The following NSD1 variants were observed in gnomAD, a reference collection of about 807,000 sequenced individuals.
NSD1 encodes the protein nuclear receptor binding SET domain protein 1, also known as histone-lysine N-methyltransferase, H3 lysine-36 specific.
In NSD1, 26 loss-of-function variants were observed where a neutral mutation model predicts 242.7. The ratio of observed to expected loss-of-function variants is 0.11; its 90% CI spans 0.08 to 0.15. The LOEUF (loss-of-function observed/expected upper bound fraction) is 0.15. NSD1 is among the 10% of genes least tolerant of loss of function. The pLI is 1.00. For synonymous variants in NSD1, 1,106 were observed against 1,178.1 expected, an observed-to-expected ratio of 0.94 and a Z score of 1.25; for missense variants, 2,495 against 3,272.8, an observed-to-expected ratio of 0.76 and a Z score of 5.80.
rs1760256294 is a variant in NSD1, at chr5:177,296,334, A to G, written c.*875A>G. ...CAGCAGTGGAAGAAGGCATTTGGCA[A>G]GCTTCTCTTTCTTTGCTTTTGTTTC... On this transcript the variant is annotated 3_prime_UTR_variant, in exon 23 of 23. Transcript: ENST00000439151. The G allele has an allele frequency of 4.3e-6, 1 of 233,456 alleles. No homozygotes were observed. Among genetic ancestry groups the G allele is most frequent in the East Asian group, 6.0e-5 (1 of 16,600 alleles). 14.5% of individuals were successfully genotyped at this position (233,456 alleles called of 1,614,324 possible).
At chr5:177,207,592 A>ATTTTTTTTTTTTTTTTTTT (rs1562201568) in intron 4 of NSD1, among the ~76,000 whole-genome samples, 1 of 100,118 alleles carries the variant, frequency 1.0e-5, no homozygotes, top group African/African-American at 5.7e-5. Context: ...TATTTATTTA[A>ATTTTTTTTTTTTTTTTTTT]ATTTTTTTTT....
chr5:177,268,123 G>A (rs539110797), intron 15 of NSD1, among the ~76,000 whole-genome samples: 73 of 151,562 alleles, frequency 4.8e-4, no homozygotes, highest in African/African-American at 1.7e-3. Flanking sequence ...TGGGTTGTTT[G>A]TTTTGAGACA....
At chr5:177,160,798 G>A (rs1005498106) in intron 2 of NSD1, among the ~76,000 whole-genome samples, 26 of 151,996 alleles carry the variant, frequency 1.7e-4, no homozygotes, top group Admixed American at 6.6e-5. Context: ...CTGAGGCAGG[G>A]CAACATGTGC....
At chr5:177,248,457 T>G (rs1292236528) in intron 11 of NSD1, 133 bp downstream of exon 11, 21 of 1,220,824 alleles carry the variant, frequency 1.7e-5, no homozygotes, top group Non-Finnish European at 2.4e-5. Context: ...TCACTTTCTT[T>G]AAGGATTTGA....
In NSD1 at chr5:177,295,175, C is replaced by G. The variant is rs765511629; in HGVS notation, c.7807C>G (p.Leu2603Val). The G allele has an allele frequency of 1.2e-6, 2 of 1,614,222 alleles. No homozygotes were observed. The highest frequency in any genetic ancestry group is 1.7e-6 in the Non-Finnish European group (2 of 1,180,040). Residue 2603 changes from leucine (L) to valine (V), a missense_variant, in exon 23 of 23, where the codon CTC becomes GTC. This residue lies in a region of NSD1 where 475 missense variants were observed against 563.7 expected (regional missense o/e 0.84). Coordinates refer to ENST00000439151, the MANE Select transcript of NSD1 (RefSeq NM_022455.5). This position sits in a 1 kb window ranked among gnomAD's most constrained non-coding sequence, Gnocchi z 4.3. ...AAKSGQSFRSLGKAPASLPTE... is the reference protein window; with the variant it reads ...AAKSGQSFRSVGKAPASLPTE... ...CAAGAGTGGGCAATCTTTTAGGTCT[C>G]TCGGGAAGGCCCCAGCCTCCCTCCC...
intron 2 of NSD1, among the ~76,000 whole-genome samples, chr5:177,189,642 A>G (rs1761510881): frequency 6.6e-6 from 1 of 152,200 alleles, no homozygotes; most frequent in Non-Finnish European, 1.5e-5. Flanking sequence ...ATGTAGTAAA[A>G]TAATGGGTAA....
chr5:177,293,881 A>C lies in NSD1; in HGVS notation c.6513A>C (p.Ala2171=), dbSNP rs1581562928. The change falls in exon 23 of 23, where the codon GCA becomes GCC. Residue 2171 remains alanine (A), a synonymous_variant. Transcript: ENST00000439151. ...WHQCDICGKE[A]ASFCEMCPSS... ...AGTGTGACATCTGCGGGAAGGAAGC[A>C]GCCTCCTTCTGTGAGATGTGCCCCA... 3.1e-6 allele frequency: 5 copies of C among 1,614,122 alleles called. No homozygotes were observed. The highest frequency in any genetic ancestry group is 4.2e-6 in the Non-Finnish European group (5 of 1,180,028).
At chr5:177,201,994 T>C (rs988026479) in intron 3 of NSD1, among the ~76,000 whole-genome samples, 4 of 151,964 alleles carry the variant, frequency 2.6e-5, no homozygotes, top group Non-Finnish European at 5.9e-5. Flanking sequence ...TGAGGAAATC[T>C]CGTCTTTACT....
At chr5:177,266,953 C>T (rs1328912402) in intron 14 of NSD1, among the ~76,000 whole-genome samples, 1 of 152,240 alleles carries the variant, frequency 6.6e-6, no homozygotes, top group Non-Finnish European at 1.5e-5. Flanking sequence ...CAACTTCCGC[C>T]TCCCAGGTTC....
At chr5:177,187,230 A>G (rs962214500) in intron 2 of NSD1, among the ~76,000 whole-genome samples, 1 of 149,956 alleles carries the variant, frequency 6.7e-6, no homozygotes, top group African/African-American at 2.5e-5. Context: ...TCAACCTCCC[A>G]AGTAGCTGGG....
intron 5 of NSD1, among the ~76,000 whole-genome samples, chr5:177,218,526 C>G (rs77493884): frequency 0.018 from 2,764 of 150,530 alleles, 32 homozygotes; most frequent in Non-Finnish European, 0.028. Context: ...TTTGAACCAT[C>G]GTTGCATTCC....
intron 17 of NSD1, among the ~76,000 whole-genome samples, chr5:177,275,741 C>G (rs1758332367): frequency 6.6e-6 from 1 of 151,766 alleles, no homozygotes; most frequent in Non-Finnish European, 1.5e-5. Flanking sequence ...CCTCCCTTTT[C>G]TTATTATTTC....
At chr5:177,282,771 T>C (rs1168672159) in intron 19 of NSD1, among the ~76,000 whole-genome samples, 190 bp downstream of exon 19, 2 of 152,162 alleles carry the variant, frequency 1.3e-5, no homozygotes, top group African/African-American at 4.8e-5. Context: ...CCAGAGGCAA[T>C]ACAGCAGCTT....
chr5:177,267,433 C>G, intron 14 of NSD1, 129 bp from the exon 15 acceptor site: 1 of 804,290 alleles, frequency 1.2e-6, no homozygotes, highest in Non-Finnish European at 2.1e-6. Context: ...TTATGTGTCA[C>G]TGATAATGTT....
At chr5:177,256,527 C>T (rs1036594651) in intron 12 of NSD1, among the ~76,000 whole-genome samples, 9 of 152,200 alleles carry the variant, frequency 5.9e-5, no homozygotes, top group Non-Finnish European at 1.2e-4. Context: ...AAGCCAGCCA[C>T]TCACCTCAGC....
Position 177,238,125 on chromosome 5 carries a change from CT to C in NSD1, c.3922-107del. ...ACATAATGTCTTCAAGGTTCATCCACTTTTTGTAGCCTTTGTCAGAATTTCA... is the reference window on the plus strand; with the variant it reads ...ACATAATGTCTTCAAGGTTCATCCACTTTTGTAGCCTTTGTCAGAATTTCA... On this transcript the variant is annotated intron_variant, in intron 6 of 22. Transcript: ENST00000439151. This position sits in a 1 kb window ranked among gnomAD's most constrained non-coding sequence, Gnocchi z 4.6. 8.0e-7 allele frequency: 1 copy of C among 1,251,816 alleles called. No homozygotes were observed. The highest frequency in any genetic ancestry group is 1.2e-6 in the Non-Finnish European group (1 of 855,060). The allele number at this position is 1,251,816 out of a possible 1,614,324, so 77.5% of individuals were successfully genotyped here.
intron 12 of NSD1, among the ~76,000 whole-genome samples, chr5:177,255,853 A>T (rs1297381445): frequency 6.6e-6 from 1 of 152,156 alleles, no homozygotes; most frequent in Non-Finnish European, 1.5e-5. Context: ...CCAAGTGCTG[A>T]GTACATTGCT....
At chr5:177,260,245 TTCA>T in intron 14 of NSD1, 77 bp downstream of exon 14, 1 of 1,362,342 alleles carries the variant, frequency 7.3e-7, no homozygotes, top group Non-Finnish European at 1.0e-6. Context: ...AAAAATACTT[TTCA>T]TCATATTGCC....
rs35848863 is a variant in NSD1 at position 177,294,118 on chromosome 5, G to A, written c.6750G>A (p.Met2250Ile). The A allele has an allele frequency of 0.052, 83,227 of 1,614,000 alleles. 2,507 individuals are homozygous for A. Among genetic ancestry groups the A allele is most frequent in the South Asian group, 0.084 (7,610 of 91,072 alleles). The change falls in exon 23 of 23, where the codon ATG becomes ATA. Residue 2250 changes from methionine (M) to isoleucine (I), a missense_variant. This residue lies in a region of NSD1 where 475 missense variants were observed against 563.7 expected (regional missense o/e 0.84). Transcript: ENST00000439151. ...GAATGGCTGCTCAGGCACCCAAAAT[G>A]TCAGATAAACCTCCTGCTGACACCA... ...STGMAAQAPK[M>I]SDKPPADTNQ...
Sources: gnomAD v4.1 joint callset for allele counts (sites outside exome capture counted in the v4.1 genomes callset) on GRCh38, gnomAD v4.1.1 for gene constraint, gnomAD v4.1.1 regional missense constraint, Gnocchi (gnomAD v3.1) non-coding constraint, MANE v1.5 for transcripts, NCBI Gene and HGNC (gene_info 2026-07-23, HGNC 2026-07-21) for gene names.